Variants in TRRAP observed in about 807,000 individuals in gnomAD.
TRRAP encodes the protein transformation/transcription domain-associated protein.
Under a neutral mutation model 438.8 loss-of-function variants are expected in TRRAP, and 41 were observed. That is an observed-to-expected ratio of 0.09 (90% CI 0.07 to 0.12). The LOEUF is 0.12. TRRAP is among the 10% of genes least tolerant of loss of function. The pLI, the probability that TRRAP is intolerant of heterozygous loss-of-function variation, is 1.00. For missense variants in TRRAP, 3,122 were observed against 5,055.1 expected, an observed-to-expected ratio of 0.62 and a Z score of 11.60; for synonymous variants, 1,994 against 1,962.9, an observed-to-expected ratio of 1.02 and a Z score of -0.42.
chr7:98,969,700 C>T (rs1456206331), intron 51 of TRRAP, among the ~76,000 whole-genome samples: 1 of 141,976 alleles, frequency 7.0e-6, no homozygotes, highest in East Asian at 2.2e-4. Flanking sequence ...TCGCAACTCA[C>T]ACGGGGAAGC....
In TRRAP at chr7:98,956,630, A is replaced by G; in HGVS notation, c.6231+97A>G. ...GAATGTGAGCTCGGTGCTCAGCTGCATTCAGGAGAGGAAGCTGGGAACAGC... is the reference window on the plus strand; with the variant it reads ...GAATGTGAGCTCGGTGCTCAGCTGCGTTCAGGAGAGGAAGCTGGGAACAGC... On this transcript the variant is annotated intron_variant, in intron 43 of 72. Transcript: ENST00000456197. The surrounding 1 kb of genome is among the most constrained non-coding windows in gnomAD (Gnocchi z 4.5). 2 of 1,509,490 alleles carry G rather than the reference A, an allele frequency of 1.3e-6. No homozygotes were observed. The highest frequency in any genetic ancestry group is 1.8e-6 in the Non-Finnish European group (2 of 1,132,462). The allele number at this position is 1,509,490 out of a possible 1,614,324, so 93.5% of individuals were successfully genotyped here.
intron 21 of TRRAP, among the ~76,000 whole-genome samples, chr7:98,923,009 C>A (rs528740209): frequency 1.5e-4 from 23 of 152,250 alleles, no homozygotes; most frequent in African/African-American, 5.5e-4. Context: ...CTGTCCCCCG[C>A]AACTTCCTCA....
chr7:98,950,813 C>T (rs1017956841), intron 38 of TRRAP, 63 bp from the exon 39 acceptor site: 33 of 1,458,612 alleles, frequency 2.3e-5, no homozygotes, highest in African/African-American at 4.3e-5. Flanking sequence ...CTGTTCTTCC[C>T]GTCTTAAGAA....
chr7:98,953,731 T>C (rs1440258602), intron 40 of TRRAP, among the ~76,000 whole-genome samples: 1 of 152,172 alleles, frequency 6.6e-6, no homozygotes, highest in Non-Finnish European at 1.5e-5. Context: ...GGCTCATGGC[T>C]GCACACAGTG....
In TRRAP at chr7:98,921,973, C is replaced by T. The variant is rs1584314687; in HGVS notation, c.2823+20C>T. On this transcript the variant is annotated intron_variant, in intron 21 of 72. Transcript: ENST00000456197. Reference sequence around the variant, plus strand: ...GAGAAGGTAAGCTCTGTGACAATGTCGTTTCGTTTTAAGCCTTGTGAAGAT... The same window carrying T: ...GAGAAGGTAAGCTCTGTGACAATGTTGTTTCGTTTTAAGCCTTGTGAAGAT... 3 of 1,614,046 alleles carry T rather than the reference C, an allele frequency of 1.9e-6. No homozygotes were observed. In the East Asian group the frequency reaches 6.7e-5, roughly 36 times the overall value.
intron 7 of TRRAP, among the ~76,000 whole-genome samples, chr7:98,896,029 T>C (rs1796183604): frequency 1.3e-5 from 2 of 152,122 alleles, no homozygotes; most frequent in Admixed American, 6.5e-5. Context: ...ACTTAAGTAC[T>C]TTTTTTGTAC....
intron 3 of TRRAP, among the ~76,000 whole-genome samples, chr7:98,889,698 A>C (rs1795879128): frequency 6.6e-6 from 1 of 152,048 alleles, no homozygotes; most frequent in African/African-American, 2.4e-5. Flanking sequence ...CAGCATAGGC[A>C]CGTGCCACAA....
intron 6 of TRRAP, among the ~76,000 whole-genome samples, chr7:98,894,844 C>A (rs1367214301): frequency 7.5e-6 from 1 of 133,392 alleles, no homozygotes; most frequent in Non-Finnish European, 1.5e-5. Context: ...ACCATGTTGC[C>A]AAGCTGGTCT....
At chr7:98,961,607 C>A in intron 46 of TRRAP, 133 bp downstream of exon 46, 1 of 1,126,974 alleles carries the variant, frequency 8.9e-7, no homozygotes, top group Non-Finnish European at 1.3e-6. Flanking sequence ...TGCAAACTTT[C>A]TTTTAAAAAC....
chr7:98,938,931 G>A (rs1275967841), intron 30 of TRRAP, among the ~76,000 whole-genome samples: 6 of 152,204 alleles, frequency 3.9e-5, no homozygotes, highest in African/African-American at 1.4e-4. Context: ...CTTTCATACA[G>A]TCTTGGGTGA....
Position 98,931,641 on chromosome 7 carries a change from G to A in TRRAP, c.3828G>A (p.Thr1276=), listed in dbSNP as rs1332315338. 15 of 1,613,940 alleles carry A rather than the reference G, an allele frequency of 9.3e-6. No individual in the cohort carries two copies. The highest frequency in any genetic ancestry group is 8.0e-5 in the African/African-American group (6 of 74,920). ...VLAQVTGKSV[T]VIMEPHKEVL... is the part of the protein sequence containing the mutation. ...CCCAGGTCACTGGGAAGAGTGTCAC[G>A]GTGATCATGGAACCCCACAAAGAGG... Residue 1276 remains threonine (T), a synonymous_variant, in exon 26 of 73, where the codon ACG becomes ACA. Coordinates refer to ENST00000456197, the MANE Select transcript of TRRAP (RefSeq NM_001375524.1).
At chr7:98,960,286 G>C (rs919082889) in intron 45 of TRRAP, among the ~76,000 whole-genome samples, 1 of 152,132 alleles carries the variant, frequency 6.6e-6, no homozygotes, top group African/African-American at 2.4e-5. Context: ...CCATGATCCT[G>C]TGCTTTTCTG....
rs1034261739 is a variant in TRRAP, at chr7:98,999,294, A to G, written c.10309+4446A>G. ...GTCGTACAGGAACAGTCTACTATTA[A>G]AGCATTTTATCTGCTAAGCTTGATC... On this transcript the variant is annotated intron_variant, in intron 67 of 72. Transcript: ENST00000456197. The G allele has an allele frequency of 3.2e-6, 4 of 1,251,604 alleles. No individual in the cohort carries two copies. In the African/African-American group the frequency reaches 4.4e-5, roughly 14 times the overall value. The allele number at this position is 1,251,604 out of a possible 1,614,324, so 77.5% of individuals were successfully genotyped here. A position where few individuals can be genotyped will look rare whatever the true frequency, so the allele number is the denominator to read the frequency against.
At chr7:98,988,104 G>T (rs1209055613) in intron 62 of TRRAP, among the ~76,000 whole-genome samples, 2 of 152,162 alleles carry the variant, frequency 1.3e-5, no homozygotes, top group Non-Finnish European at 2.9e-5. Flanking sequence ...GCTCATTTTT[G>T]TCGAGGATGT....
chr7:98,892,253 ATT>A (rs1250449023), intron 4 of TRRAP, among the ~76,000 whole-genome samples, 169 bp from the exon 5 acceptor site: 1 of 152,182 alleles, frequency 6.6e-6, no homozygotes, highest in Non-Finnish European at 1.5e-5. Context: ...TTTGGGTTAC[ATT>A]TAAGTAGTTT....
chr7:98,950,034 T>G (rs1554417865), intron 37 of TRRAP, 30 bp from the exon 38 acceptor site: 3 of 1,613,110 alleles, frequency 1.9e-6, no homozygotes, highest in Non-Finnish European at 2.5e-6. Context: ...TTGCTCTAAG[T>G]TAACCTGTCT....
Position 98,976,758 on chromosome 7 carries a change from C to A in TRRAP, c.8235C>A (p.Thr2745=), listed in dbSNP as rs1338332294. 3 of 1,612,946 alleles carry A rather than the reference C, an allele frequency of 1.9e-6. No individual in the cohort carries two copies. The Admixed American group carries it at 5.0e-5, about 27-fold the overall frequency. ...AGTTTTATGAGCAGGAGAGCATCAC[C>A]CCGCCGCAGCAGGTGAGGGTGCGCC... ...TTEFYEQESI[T]PPQQEILDSL... The change falls in exon 55 of 73, where the codon ACC becomes ACA. Residue 2745 remains threonine, a synonymous_variant. Transcript: ENST00000456197. This position sits in a 1 kb window ranked among gnomAD's most constrained non-coding sequence, Gnocchi z 4.6.
intron 56 of TRRAP, among the ~76,000 whole-genome samples, chr7:98,977,806 A>G (rs992579396): frequency 1.3e-5 from 2 of 152,194 alleles, no homozygotes; most frequent in Non-Finnish European, 2.9e-5. Flanking sequence ...TTACTAAAGG[A>G]TGGAGAAAGT....
intron 31 of TRRAP, among the ~76,000 whole-genome samples, chr7:98,943,908 TTTTTCTTTTCTGGCTTTATTATGCTTTG>T: frequency 6.6e-6 from 1 of 152,354 alleles, no homozygotes. Flanking sequence ...CTAACTTGGA[TTTTTCTTTTCTGGCTTTATTATGCTTTG>T]TTTTGACCAT....
Sources: gnomAD v4.1 joint callset for allele counts (sites outside exome capture counted in the v4.1 genomes callset) on GRCh38, gnomAD v4.1.1 for gene constraint, Gnocchi (gnomAD v3.1) non-coding constraint, MANE v1.5 for transcripts, NCBI Gene and HGNC (gene_info 2026-07-23, HGNC 2026-07-21) for gene names.